The following PDS5B variants were observed in gnomAD, a reference collection of about 807,000 sequenced individuals.
PDS5B encodes PDS5 cohesin associated factor B.
In PDS5B, 51 loss-of-function variants were observed where a neutral mutation model predicts 184.1. That is an observed-to-expected ratio of 0.28 (90% CI 0.22 to 0.35). The LOEUF (loss-of-function observed/expected upper bound fraction) is 0.35. Among genes scored for constraint, PDS5B ranks in the 10% least tolerant of loss-of-function variants. PDS5B has a pLI of 1.00. For synonymous variants in PDS5B, 566 were observed against 569.2 expected, an observed-to-expected ratio of 0.99 and a Z score of 0.08; for missense variants, 1,180 against 1,723.3, an observed-to-expected ratio of 0.68 and a Z score of 5.58.
At chr13:32,743,032 A>G (rs986382265) in intron 23 of PDS5B, among the ~76,000 whole-genome samples, 3 of 151,658 alleles carry the variant, frequency 2.0e-5, no homozygotes, top group Non-Finnish European at 4.4e-5. Context: ...CTTGTTAAAT[A>G]TGTAAGGGGA....
intron 1 of PDS5B, among the ~76,000 whole-genome samples, chr13:32,632,349 G>A (rs1161886833): frequency 6.6e-6 from 1 of 152,148 alleles, no homozygotes; most frequent in East Asian, 1.9e-4. Flanking sequence ...TTAAAAGTGA[G>A]CAATGATCTT....
rs1954977991 is a variant in PDS5B at position 32,777,046 on chromosome 13, T to C, written c.*1994T>C. ...AGCAGTACAAAGGCATGTTTTAAAA[T>C]CTATAACATAAAGAATAAGGAATAG... On this transcript the variant is annotated 3_prime_UTR_variant, in exon 35 of 35. Coordinates refer to ENST00000315596, the MANE Select transcript of PDS5B (RefSeq NM_015032.4). The C allele has an allele frequency of 6.6e-6, 1 of 152,242 alleles. No individual in the cohort carries two copies. The allele number at this position is 152,242 out of a possible 1,614,324, so 9.4% of individuals were successfully genotyped here.
At chr13:32,721,263 C>T (rs112408728) in intron 19 of PDS5B, among the ~76,000 whole-genome samples, 7,029 of 149,312 alleles carry the variant, frequency 0.047, 445 homozygotes, top group African/African-American at 0.15. Flanking sequence ...GGCTGCCGGG[C>T]GGGGGCGCCC....
chr13:32,631,519 C>A lies in PDS5B; in HGVS notation c.-19-17235C>A, dbSNP rs534821578. Among the ~76,000 whole-genome samples, 5 of 152,270 alleles carry A rather than the reference C, an allele frequency of 3.3e-5. 1 individual carries two copies. In the South Asian group the frequency reaches 1.0e-3, roughly 32 times the overall value. ...TTTGGCTTTCTCCTACAGTTATATT[C>A]CCCAGTCAACAGTACCTGGGATATA... On this transcript the variant is annotated intron_variant, in intron 1 of 34. Transcript: ENST00000315596.
intron 10 of PDS5B, among the ~76,000 whole-genome samples, chr13:32,680,613 G>A (rs1437720562): frequency 2.0e-5 from 3 of 152,164 alleles, no homozygotes. Flanking sequence ...TTTTATTATA[G>A]TATTTATCTC....
rs545847224 is a variant in PDS5B at position 32,731,053 on chromosome 13, TG to T, written c.2124-1047del. Among the ~76,000 whole-genome samples the T allele has an allele frequency of 8.7e-4, 133 of 152,338 alleles. 2 individuals carry two copies. The highest frequency in any genetic ancestry group is 3.2e-3 in the African/African-American group (132 of 41,578). On this transcript the variant is annotated intron_variant, in intron 19 of 34. Coordinates refer to ENST00000315596, the MANE Select transcript of PDS5B (RefSeq NM_015032.4). Reference sequence around the variant, plus strand: ...TTTCAAAGGGAATGCTTCCAGCTTTTGCCCATTCAGTATAATATTAAAGAAT... The same window carrying T: ...TTTCAAAGGGAATGCTTCCAGCTTTTCCCATTCAGTATAATATTAAAGAAT...
chr13:32,742,072 C>T (rs1271797016), intron 22 of PDS5B, among the ~76,000 whole-genome samples: 1 of 152,040 alleles, frequency 6.6e-6, no homozygotes, highest in African/African-American at 2.4e-5. Flanking sequence ...AGCCTTAGCT[C>T]TGTAAAAAGC....
At chr13:32,756,442 C>CT (rs1262888614) in intron 26 of PDS5B, among the ~76,000 whole-genome samples, 1 of 152,164 alleles carries the variant, frequency 6.6e-6, no homozygotes, top group Non-Finnish European at 1.5e-5. Context: ...TGGTGATTCT[C>CT]TAACTAGAGT....
chr13:32,659,986 C>G (rs1950602127), intron 6 of PDS5B, among the ~76,000 whole-genome samples: 1 of 152,162 alleles, frequency 6.6e-6, no homozygotes, highest in Non-Finnish European at 1.5e-5. Flanking sequence ...AAAACAGTCT[C>G]TGAATCCTGA....
chr13:32,698,759 C>CTT (rs879868019), intron 15 of PDS5B, among the ~76,000 whole-genome samples: 4 of 143,762 alleles, frequency 2.8e-5, no homozygotes, highest in South Asian at 4.4e-4. Context: ...AGAGTTCTCT[C>CTT]TTTTTTTTTT....
At chr13:32,625,996 C>T (rs139660307) in intron 1 of PDS5B, among the ~76,000 whole-genome samples, 2,091 of 152,156 alleles carry the variant, frequency 0.014, 38 homozygotes, top group South Asian at 0.082. Flanking sequence ...GCACTACCAA[C>T]GCCTGGCTAA....
chr13:32,753,079 T>C (rs1954043592), intron 24 of PDS5B, among the ~76,000 whole-genome samples: 2 of 152,226 alleles, frequency 1.3e-5, no homozygotes, highest in African/African-American at 4.8e-5. Flanking sequence ...GATTTATATT[T>C]ACTAGTTTTT....
intron 1 of PDS5B, among the ~76,000 whole-genome samples, chr13:32,622,800 ATTTG>A (rs1261171631): frequency 6.6e-5 from 10 of 152,104 alleles, no homozygotes; most frequent in East Asian, 1.9e-4. Context: ...GTTTTTAAAA[ATTTG>A]TTTGGTCTGA....
intron 19 of PDS5B, among the ~76,000 whole-genome samples, chr13:32,719,238 A>C (rs1055537958): frequency 6.6e-6 from 1 of 152,168 alleles, no homozygotes; most frequent in Non-Finnish European, 1.5e-5. Flanking sequence ...ACTGGAGTGC[A>C]GTGGCTCAAT....
chr13:32,624,041 A>T (rs913840862), intron 1 of PDS5B, among the ~76,000 whole-genome samples: 2 of 151,824 alleles, frequency 1.3e-5, no homozygotes, highest in African/African-American at 4.8e-5. Flanking sequence ...TTTTTTTTAA[A>T]AAAAAAAATT....
Position 32,775,295 on chromosome 13 carries a change from A to G in PDS5B, c.*243A>G. The G allele has an allele frequency of 2.0e-6, 1 of 507,792 alleles. No homozygotes were observed. The highest frequency in any genetic ancestry group is 3.5e-6 in the Non-Finnish European group (1 of 288,432). The allele number at this position is 507,792 out of a possible 1,614,324, so 31.5% of individuals were successfully genotyped here. ...GTGCGATGGCTATGTAGACATAAAGAAGAAACTTGTAAATATCTTTTTTCT... is the reference window on the plus strand; with the variant it reads ...GTGCGATGGCTATGTAGACATAAAGGAGAAACTTGTAAATATCTTTTTTCT... On this transcript the variant is annotated 3_prime_UTR_variant, in exon 35 of 35. Coordinates refer to ENST00000315596, the MANE Select transcript of PDS5B (RefSeq NM_015032.4).
chr13:32,604,982 T>C (rs1484626920), intron 1 of PDS5B, among the ~76,000 whole-genome samples: 1 of 152,206 alleles, frequency 6.6e-6, no homozygotes, highest in African/African-American at 2.4e-5. Flanking sequence ...TTGTTAGTCT[T>C]GCTAGCAGTC....
At chr13:32,705,184 T>G (rs972855163) in intron 17 of PDS5B, among the ~76,000 whole-genome samples, 1 of 152,186 alleles carries the variant, frequency 6.6e-6, no homozygotes, top group African/African-American at 2.4e-5. Context: ...TGTTAACTTA[T>G]TTTTTACTTG....
chr13:32,646,235 G>A (rs191651481), intron 1 of PDS5B, among the ~76,000 whole-genome samples: 2 of 152,172 alleles, frequency 1.3e-5, no homozygotes, highest in East Asian at 3.9e-4. Flanking sequence ...TTGAACTCCT[G>A]GGCTCAAGTG....
Sources: allele counts gnomAD v4.1 joint callset (sites outside exome capture counted in the v4.1 genomes callset), GRCh38; gene constraint gnomAD v4.1.1; transcripts MANE v1.5; gene names NCBI Gene and HGNC (gene_info 2026-07-23, HGNC 2026-07-21).